GLRA3: variants seen among roughly 807,000 people sequenced by gnomAD.
GLRA3 encodes the protein glycine receptor subunit alpha-3.
GLRA3 carries 44 observed loss-of-function variants against 60.4 expected under a neutral mutation model. The observed-to-expected ratio is 0.73, with a 90% CI of 0.57 to 0.94. The LOEUF is 0.94. GLRA3 is among the 40% of genes least tolerant of loss of function. The pLI, the probability that GLRA3 is intolerant of heterozygous loss-of-function variation, is 0.00. For missense variants in GLRA3, 508 were observed against 564.6 expected (o/e 0.90, Z 1.02); for synonymous variants, 223 against 192.9 (o/e 1.16, Z -1.29).
At chr4:174,791,401 T>C (rs903603042) in intron 1 of GLRA3, among the ~76,000 whole-genome samples, 2 of 152,186 alleles carry the variant, frequency 1.3e-5, no homozygotes, top group Non-Finnish European at 2.9e-5. Context: ...TCCAGACTTC[T>C]GGCCTGCAGA....
At chr4:174,827,421 A>G (rs1367159591) in intron 1 of GLRA3, among the ~76,000 whole-genome samples, 1 of 151,682 alleles carries the variant, frequency 6.6e-6, no homozygotes, top group Non-Finnish European at 1.5e-5. Context: ...GTATTTTACC[A>G]TCTAAGCCAT....
At chr4:174,807,828 T>C (rs980517547) in intron 1 of GLRA3, among the ~76,000 whole-genome samples, 3 of 152,106 alleles carry the variant, frequency 2.0e-5, no homozygotes, top group African/African-American at 7.2e-5. Flanking sequence ...TAAGCAGCCA[T>C]AATACATGGA....
At chr4:174,790,805 C>A (rs1472145290) in intron 1 of GLRA3, among the ~76,000 whole-genome samples, 2 of 120,684 alleles carry the variant, frequency 1.7e-5, no homozygotes, top group East Asian at 4.9e-4. Flanking sequence ...ATGGTGAAAC[C>A]GGGTCTCTAC....
chr4:174,691,862 G>A (rs1229440867), intron 5 of GLRA3, among the ~76,000 whole-genome samples: 2 of 151,650 alleles, frequency 1.3e-5, no homozygotes, highest in Non-Finnish European at 2.9e-5. Flanking sequence ...CATCGTCTGG[G>A]ATGTGAGGAG....
chr4:174,760,496 A>G (rs1300873332), intron 3 of GLRA3, among the ~76,000 whole-genome samples: 2 of 151,854 alleles, frequency 1.3e-5, no homozygotes. Flanking sequence ...GCTTGCATAT[A>G]TATACTATAT....
At chr4:174,819,500 C>T (rs1740647503) in intron 1 of GLRA3, among the ~76,000 whole-genome samples, 1 of 152,178 alleles carries the variant, frequency 6.6e-6, no homozygotes, top group Non-Finnish European at 1.5e-5. Context: ...ATCCTCTTTT[C>T]TGCCCAAATT....
intron 1 of GLRA3, among the ~76,000 whole-genome samples, chr4:174,822,718 C>T (rs901086076): frequency 6.6e-6 from 1 of 152,122 alleles, no homozygotes; most frequent in African/African-American, 2.4e-5. Context: ...TTGGTTATGG[C>T]AAATGTTTGT....
chr4:174,750,915 A>T (rs1355102851), intron 3 of GLRA3, among the ~76,000 whole-genome samples: 1 of 152,144 alleles, frequency 6.6e-6, no homozygotes, highest in Non-Finnish European at 1.5e-5. Context: ...TGAATTAATG[A>T]TCTTCAAATT....
intron 2 of GLRA3, among the ~76,000 whole-genome samples, chr4:174,768,754 T>C (rs951731683): frequency 6.6e-6 from 1 of 152,130 alleles, no homozygotes; most frequent in African/African-American, 2.4e-5. Context: ...GGTAGCACAT[T>C]TAGAACGTGA....
intron 9 of GLRA3, among the ~76,000 whole-genome samples, chr4:174,655,404 G>A (rs1408886049): frequency 1.3e-5 from 2 of 152,028 alleles, no homozygotes; most frequent in Non-Finnish European, 2.9e-5. Flanking sequence ...ATATATCTGT[G>A]TTATATTATT....
At chr4:174,679,420 C>A (rs1243171483) in intron 6 of GLRA3, among the ~76,000 whole-genome samples, 2 of 152,004 alleles carry the variant, frequency 1.3e-5, no homozygotes, top group African/African-American at 4.8e-5. Flanking sequence ...GATGAGGAAG[C>A]AGAGAAAGGG....
chr4:174,804,690 T>G (rs1739962576), intron 1 of GLRA3, among the ~76,000 whole-genome samples: 1 of 152,058 alleles, frequency 6.6e-6, no homozygotes, highest in South Asian at 2.1e-4. Flanking sequence ...GAGTGGAAAT[T>G]TAATAGGCGA....
intron 2 of GLRA3, among the ~76,000 whole-genome samples, chr4:174,769,114 C>T (rs147292214): frequency 6.6e-6 from 1 of 151,986 alleles, no homozygotes; most frequent in Non-Finnish European, 1.5e-5. Context: ...TACTTCAATT[C>T]ATTTAATCAT....
chr4:174,778,743 C>G (rs1047008444), intron 2 of GLRA3, among the ~76,000 whole-genome samples: 1 of 152,230 alleles, frequency 6.6e-6, no homozygotes, highest in Non-Finnish European at 1.5e-5. Context: ...CACTCCCACC[C>G]GAATACTGCG....
At chr4:174,788,974 CA>C in intron 1 of GLRA3, 31 bp from the exon 2 acceptor site, 1 of 1,434,280 alleles carries the variant, frequency 7.0e-7, no homozygotes, top group Non-Finnish European at 9.5e-7. Flanking sequence ...ATAGACTTTA[CA>C]AAAAGAAGTA....
intron 1 of GLRA3, among the ~76,000 whole-genome samples, chr4:174,792,763 G>A (rs1440653060): frequency 6.6e-6 from 1 of 152,100 alleles, no homozygotes; most frequent in Non-Finnish European, 1.5e-5. Context: ...CTCCAAGTTA[G>A]GTCACAGAAA....
At chr4:174,774,244 G>A (rs933011573) in intron 2 of GLRA3, among the ~76,000 whole-genome samples, 2 of 152,162 alleles carry the variant, frequency 1.3e-5, no homozygotes, top group Non-Finnish European at 1.5e-5. Context: ...GGAAGAGGAA[G>A]TTAAAATATG....
chr4:174,689,756 T>TAAAAAAAAAAAAAAAA lies in GLRA3; in HGVS notation c.575-6833_575-6818dup, dbSNP rs553306775. Among the ~76,000 whole-genome samples, 11 of 39,540 alleles carry TAAAAAAAAAAAAAAAA rather than the reference T, an allele frequency of 2.8e-4. 3 individuals are homozygous for TAAAAAAAAAAAAAAAA. Among genetic ancestry groups the TAAAAAAAAAAAAAAAA allele is most frequent in the Admixed American group, 8.0e-4 (2 of 2,494 alleles). 25.9% of individuals were successfully genotyped at this position (39,540 alleles called of 152,430 possible). A position where few individuals can be genotyped will look rare whatever the true frequency, so the allele number is the denominator to read the frequency against. On this transcript the variant is annotated intron_variant, in intron 5 of 9. Coordinates refer to ENST00000274093, the MANE Select transcript of GLRA3 (RefSeq NM_006529.4). Reference sequence around the variant, plus strand: ...AAAGGCACAGAGTGGTAAGTCGCATTAAAAAAAAAAAAAAAAAAAAAAAAA... The same window carrying TAAAAAAAAAAAAAAAA: ...AAAGGCACAGAGTGGTAAGTCGCATTAAAAAAAAAAAAAAAAAAAAAAAAAAAAAAAAAAAAAAAAA...
intron 7 of GLRA3, among the ~76,000 whole-genome samples, chr4:174,668,853 C>A (rs1446617508): frequency 3.9e-5 from 6 of 152,086 alleles, no homozygotes; most frequent in Non-Finnish European, 8.8e-5. Context: ...TAAAACATCA[C>A]AGTGTATGCT....
Sources: gnomAD v4.1 joint callset for allele counts (sites outside exome capture counted in the v4.1 genomes callset) on GRCh38, gnomAD v4.1.1 for gene constraint, MANE v1.5 for transcripts, NCBI Gene and HGNC (gene_info 2026-07-23, HGNC 2026-07-21) for gene names.